The following GRPR variants were observed in gnomAD, a reference collection of about 807,000 sequenced individuals.
GRPR encodes the protein gastrin-releasing peptide receptor.
In GRPR, 4 loss-of-function variants were observed where a neutral mutation model predicts 15.6. The ratio of observed to expected loss-of-function variants is 0.26; its 90% CI spans 0.13 to 0.59. The LOEUF is 0.59. Among genes scored for constraint, GRPR ranks in the 20% least tolerant of loss-of-function variants. The pLI, the probability that GRPR is intolerant of heterozygous loss-of-function variation, is 0.90. For synonymous variants in GRPR, 128 were observed against 126.8 expected (o/e 1.01, Z -0.06); for missense variants, 270 against 304.1 (o/e 0.89, Z 0.83).
At chrX:16,135,616 AG>A (rs1254183315) in intron 1 of GRPR, among the ~76,000 whole-genome samples, 1 of 112,360 alleles carries the variant, frequency 8.9e-6, no homozygotes, top group Non-Finnish European at 1.9e-5. Context: ...AAGCTTTTCA[AG>A]GTTTCTTTTT....
intron 1 of GRPR, among the ~76,000 whole-genome samples, chrX:16,147,759 C>T (rs182204317): frequency 7.1e-4 from 80 of 112,120 alleles, no homozygotes; most frequent in Non-Finnish European, 1.4e-3. Context: ...AAGAGAAGGA[C>T]GTAAGCCATT....
At chrX:16,151,373 T>C (rs992064919) in intron 2 of GRPR, among the ~76,000 whole-genome samples, 2 of 112,093 alleles carry the variant, frequency 1.8e-5, no homozygotes, top group Non-Finnish European at 3.8e-5. Flanking sequence ...TCTTTGTCAG[T>C]GCTTGCCTTC....
rs1398474344 is a variant in GRPR at position 16,130,731 on chromosome X, A to G, written c.413+6365A>G. 2.7e-5 allele frequency among the ~76,000 whole-genome samples: 3 copies of G among 112,790 alleles called. No homozygotes were observed. The East Asian group carries it at 8.3e-4, about 31-fold the overall frequency. On this transcript the variant is annotated intron_variant, in intron 1 of 2. Transcript: ENST00000380289. ...ACTTACTTAATATCATTCCTTGTAAAGCATCCTTCTAGAAATGCTTTACAA... is the reference window on the plus strand; with the variant it reads ...ACTTACTTAATATCATTCCTTGTAAGGCATCCTTCTAGAAATGCTTTACAA...
chrX:16,124,396 C>A (rs1922258326), intron 1 of GRPR, 30 bp downstream of exon 1: 1 of 1,172,825 alleles, frequency 8.5e-7, no homozygotes, highest in East Asian at 3.0e-5. Context: ...TACATGCTCT[C>A]CAAGGGTGAT....
At chrX:16,133,941 A>C (rs956995322) in intron 1 of GRPR, among the ~76,000 whole-genome samples, 5 of 111,612 alleles carry the variant, frequency 4.5e-5, no homozygotes, top group African/African-American at 1.6e-4. Context: ...TTACAACTTC[A>C]ACTATTGCTT....
At chrX:16,151,888 G>C (rs951270613) in intron 2 of GRPR, among the ~76,000 whole-genome samples, 1 of 111,620 alleles carries the variant, frequency 9.0e-6, no homozygotes, top group African/African-American at 3.3e-5. Flanking sequence ...TGAGGAAAAA[G>C]GGGGCACTTA....
intron 2 of GRPR, 91 bp downstream of exon 2, chrX:16,150,747 C>A: frequency 1.7e-6 from 1 of 574,080 alleles, no homozygotes; most frequent in Non-Finnish European, 3.1e-6. Context: ...ACACTTGAAT[C>A]TGCAATTAGA....
intron 1 of GRPR, among the ~76,000 whole-genome samples, chrX:16,149,157 C>T (rs909083619): frequency 8.9e-6 from 1 of 111,795 alleles, no homozygotes; most frequent in East Asian, 2.8e-4. Context: ...GTTGGGCTAG[C>T]GTAGAATGAC....
At chrX:16,140,118 G>T (rs1922510192) in intron 1 of GRPR, among the ~76,000 whole-genome samples, 1 of 111,640 alleles carries the variant, frequency 9.0e-6, no homozygotes, top group African/African-American at 3.3e-5. Context: ...AGCACTGCCA[G>T]GATCAACCTC....
At chrX:16,135,695 G>C (rs1260079489) in intron 1 of GRPR, among the ~76,000 whole-genome samples, 1 of 112,119 alleles carries the variant, frequency 8.9e-6, no homozygotes, top group Admixed American at 9.4e-5. Flanking sequence ...CCTCTGTTAT[G>C]AGAAATACTT....
Position 16,152,112 on chromosome X carries a change from C to G in GRPR, c.766-144C>G, listed in dbSNP as rs1320661652. The G allele has an allele frequency of 2.0e-5, 11 of 543,891 alleles. No homozygotes were observed. In the Admixed American group the frequency reaches 2.7e-4, roughly 13 times the overall value. 44.8% of individuals were successfully genotyped at this position (543,891 alleles called of 1,213,427 possible). A position where few individuals can be genotyped will look rare whatever the true frequency, so the allele number is the denominator to read the frequency against. ...TTCTCTCTTGCCCTCTCCTATTGAACTCTTTTTCGGTGGCTTTGTGAACTC... is the reference window on the plus strand; with the variant it reads ...TTCTCTCTTGCCCTCTCCTATTGAAGTCTTTTTCGGTGGCTTTGTGAACTC... On this transcript the variant is annotated intron_variant, in intron 2 of 2. Transcript: ENST00000380289.
intron 1 of GRPR, among the ~76,000 whole-genome samples, chrX:16,149,093 T>A (rs1281490795): frequency 8.9e-6 from 1 of 111,939 alleles, no homozygotes; most frequent in African/African-American, 3.3e-5. Flanking sequence ...GGCCTGGCAA[T>A]TTCCACCCAA....
chrX:16,152,219 G>T, intron 2 of GRPR, 37 bp from the exon 3 acceptor site: 1 of 1,134,374 alleles, frequency 8.8e-7, no homozygotes, highest in Non-Finnish European at 1.2e-6. Context: ...ACTGTCCCTT[G>T]GTTCCTCTGT....
Position 16,150,566 on chromosome X carries a change from C to T in GRPR, c.675C>T (p.Ile225=). The stretch of plus-strand genomic sequence containing the variant: ...TCTTCTACGTCATTCCACTGTCGAT[C>T]ATCTCTGTTTACTACTACTTCATTG... ...FLVFYVIPLS[I]ISVYYYFIAK... Residue 225 remains isoleucine (I), a synonymous_variant, in exon 2 of 3, where the codon ATC becomes ATT. Transcript: ENST00000380289. 8.3e-7 allele frequency: 1 copy of T among 1,199,657 alleles called. No homozygotes were observed. The highest frequency in any genetic ancestry group is 1.1e-6 in the Non-Finnish European group (1 of 884,295).
Position 16,123,593 on chromosome X carries a change from T to C in GRPR, c.-361T>C, listed in dbSNP as rs1007188152. The C allele has an allele frequency of 5.8e-6, 1 of 170,974 alleles. No individual in the cohort carries two copies. Among genetic ancestry groups the C allele is most frequent in the African/African-American group, 3.1e-5 (1 of 32,459 alleles). 14.1% of individuals were successfully genotyped at this position (170,974 alleles called of 1,213,427 possible). A position where few individuals can be genotyped will look rare whatever the true frequency, so the allele number is the denominator to read the frequency against. ...TATCAGGAAAGACGCTGTGGGAAAATAGCAGGCCAAAAGTTCTTAGTAAAC... is the reference window on the plus strand; with the variant it reads ...TATCAGGAAAGACGCTGTGGGAAAACAGCAGGCCAAAAGTTCTTAGTAAAC... On this transcript the variant is annotated 5_prime_UTR_variant, in exon 1 of 3. Coordinates refer to ENST00000380289, the MANE Select transcript of GRPR (RefSeq NM_005314.3).
chrX:16,142,395 T>C (rs1321672823), intron 1 of GRPR, among the ~76,000 whole-genome samples: 2 of 111,722 alleles, frequency 1.8e-5, no homozygotes, highest in Non-Finnish European at 1.9e-5. Flanking sequence ...TAGATTTTTT[T>C]TCTCTCTTTC....
At chrX:16,150,911 T>C (rs968164412) in intron 2 of GRPR, among the ~76,000 whole-genome samples, 2 of 112,127 alleles carry the variant, frequency 1.8e-5, no homozygotes, top group Admixed American at 1.9e-4. Context: ...TTTGGAGAAA[T>C]AATCTGAAAA....
chrX:16,151,870 T>G (rs993551760), intron 2 of GRPR, among the ~76,000 whole-genome samples: 2 of 111,736 alleles, frequency 1.8e-5, no homozygotes, highest in Non-Finnish European at 3.8e-5. Flanking sequence ...ACTGCACCAA[T>G]GCTCTCCTGA....
intron 1 of GRPR, among the ~76,000 whole-genome samples, chrX:16,143,335 C>T (rs761397814): frequency 8.9e-6 from 1 of 112,704 alleles, no homozygotes; most frequent in African/African-American, 3.2e-5. Context: ...AAAGCAAATC[C>T]CAAGACATTT....
Sources: gnomAD v4.1 joint callset for allele counts (sites outside exome capture counted in the v4.1 genomes callset) on GRCh38, gnomAD v4.1.1 for gene constraint, MANE v1.5 for transcripts, NCBI Gene and HGNC (gene_info 2026-07-23, HGNC 2026-07-21) for gene names.